Variants in CEP112 observed in about 807,000 individuals in gnomAD.
The protein encoded by CEP112 is centrosomal protein 112.
In CEP112, 127 loss-of-function variants were observed where a neutral mutation model predicts 153.0. The ratio of observed to expected loss-of-function variants is 0.83; its 90% CI spans 0.72 to 0.96. The LOEUF is 0.96. Among genes scored for constraint, CEP112 ranks in the 40% least tolerant of loss-of-function variants. The pLI, the probability that CEP112 is intolerant of heterozygous loss-of-function variation, is 0.00. For synonymous variants in CEP112, 358 were observed against 374.4 expected (o/e 0.96, Z 0.51); for missense variants, 1,089 against 1,101.2 (o/e 0.99, Z 0.16).
intron 21 of CEP112, among the ~76,000 whole-genome samples, chr17:65,818,273 C>A (rs764959162): frequency 2.0e-5 from 3 of 151,826 alleles, no homozygotes; most frequent in Non-Finnish European, 4.4e-5. Context: ...CAGCCCTTTA[C>A]CTAACTACCA....
intron 12 of CEP112, among the ~76,000 whole-genome samples, chr17:66,040,634 C>T (rs2065933682): frequency 6.6e-6 from 1 of 151,618 alleles, no homozygotes; most frequent in Non-Finnish European, 1.5e-5. Context: ...TAGCTGGCAG[C>T]ATGTGCCAAC....
At chr17:65,801,873 C>A (rs576977228) in intron 21 of CEP112, among the ~76,000 whole-genome samples, 2 of 152,136 alleles carry the variant, frequency 1.3e-5, no homozygotes, top group African/African-American at 4.8e-5. Flanking sequence ...CCCCTGCCCA[C>A]GGGAAATAAA....
At chr17:65,745,498 G>C (rs1180438057) in intron 22 of CEP112, among the ~76,000 whole-genome samples, 1 of 152,210 alleles carries the variant, frequency 6.6e-6, no homozygotes, top group Non-Finnish European at 1.5e-5. Context: ...GGATAAAAAA[G>C]AGTCAGATTT....
At chr17:65,883,302 C>T (rs1368116406) in intron 20 of CEP112, among the ~76,000 whole-genome samples, 3 of 151,100 alleles carry the variant, frequency 2.0e-5, no homozygotes, top group Non-Finnish European at 4.4e-5. Flanking sequence ...TATATATACA[C>T]ACACACACTT....
chr17:66,005,614 A>G, intron 17 of CEP112, 76 bp downstream of exon 17: 1 of 1,509,118 alleles, frequency 6.6e-7, no homozygotes, highest in East Asian at 2.4e-5. Context: ...TATAGTGTTT[A>G]GGTCCCAGTT....
intron 21 of CEP112, among the ~76,000 whole-genome samples, chr17:65,795,681 G>A (rs1220807364): frequency 6.6e-6 from 1 of 151,946 alleles, no homozygotes; most frequent in African/African-American, 2.4e-5. Flanking sequence ...GCATGGTGGT[G>A]CGCACCTGTA....
chr17:66,081,920 G>GAA (rs1426946917), intron 8 of CEP112, among the ~76,000 whole-genome samples: 23 of 151,678 alleles, frequency 1.5e-4, no homozygotes, highest in Admixed American at 1.4e-3. Flanking sequence ...ATCTCAGGGG[G>GAA]AAAAAAAGGC....
intron 12 of CEP112, among the ~76,000 whole-genome samples, chr17:66,043,994 G>C (rs892074266): frequency 1.3e-5 from 2 of 152,038 alleles, no homozygotes; most frequent in African/African-American, 2.4e-5. Context: ...TACTTTTGAC[G>C]ATTCTTAAAT....
intron 24 of CEP112, among the ~76,000 whole-genome samples, chr17:65,660,235 CCT>C (rs1491517250): frequency 3.4e-5 from 3 of 86,970 alleles, no homozygotes; most frequent in Non-Finnish European, 6.6e-5. Context: ...CTCCTTCCTT[CCT>C]CTTTTTTGTT....
intron 4 of CEP112, among the ~76,000 whole-genome samples, chr17:66,146,017 T>C (rs2070903581): frequency 6.6e-6 from 1 of 152,068 alleles, no homozygotes; most frequent in Admixed American, 6.5e-5. Context: ...TAGATCTGAT[T>C]TGATAATTAA....
At chr17:65,694,783 C>T (rs1190387354) in intron 23 of CEP112, among the ~76,000 whole-genome samples, 5 of 152,250 alleles carry the variant, frequency 3.3e-5, no homozygotes, top group African/African-American at 9.6e-5. Context: ...AGTACAACCG[C>T]GGACTTTAAG....
chr17:65,951,907 C>A (rs535007480), intron 18 of CEP112, among the ~76,000 whole-genome samples: 114 of 152,060 alleles, frequency 7.5e-4, no homozygotes, highest in Non-Finnish European at 1.3e-3. Context: ...TTCCATAAAT[C>A]TTGATATGCC....
intron 20 of CEP112, among the ~76,000 whole-genome samples, chr17:65,870,301 C>A (rs1339457336): frequency 6.6e-6 from 1 of 151,996 alleles, no homozygotes; most frequent in Non-Finnish European, 1.5e-5. Context: ...CTAGCCACAT[C>A]ATCTAATTAA....
chr17:65,988,094 T>C (rs2063469909), intron 17 of CEP112, among the ~76,000 whole-genome samples: 1 of 152,142 alleles, frequency 6.6e-6, no homozygotes, highest in Admixed American at 6.5e-5. Context: ...CACAAACTCC[T>C]AACCCGCCTT....
chr17:65,971,343 T>C (rs553614931), intron 17 of CEP112, among the ~76,000 whole-genome samples: 13 of 152,242 alleles, frequency 8.5e-5, no homozygotes, highest in Admixed American at 7.2e-4. Context: ...TACATGTATA[T>C]GTATTTCAGG....
At chr17:66,037,974 C>T (rs1477068625) in intron 12 of CEP112, among the ~76,000 whole-genome samples, 1 of 151,616 alleles carries the variant, frequency 6.6e-6, no homozygotes, top group East Asian at 1.9e-4. Flanking sequence ...CTGGTACTGT[C>T]TGTGAAGGCT....
Position 65,970,469 on chromosome 17 carries a change from C to T in CEP112, c.1737-8871G>A, listed in dbSNP as rs1020709466. Among the ~76,000 whole-genome samples the T allele has an allele frequency of 3.8e-4, 21 of 55,654 alleles. 3 individuals carry two copies. The highest frequency in any genetic ancestry group is 9.5e-4 in the African/African-American group (20 of 20,994). 36.5% of individuals were successfully genotyped at this position (55,654 alleles called of 152,430 possible). A position where few individuals can be genotyped will look rare whatever the true frequency, so the allele number is the denominator to read the frequency against. On this transcript the variant is annotated intron_variant, in intron 17 of 26. Coordinates refer to ENST00000535342, the MANE Select transcript of CEP112 (RefSeq NM_001199165.4). ...TGTATATTACATGCATGCACACATG[C>T]ATGTATATTACATGCATGCACACTA...
At chr17:66,071,754 A>C (rs1054370623) in intron 8 of CEP112, among the ~76,000 whole-genome samples, 13 of 152,324 alleles carry the variant, frequency 8.5e-5, no homozygotes, top group African/African-American at 3.1e-4. Context: ...TGCAGCAACC[A>C]AGAGAAAGCA....
chr17:65,821,498 ATATATATATATATAAT>A (rs1353980566), intron 21 of CEP112, among the ~76,000 whole-genome samples: 7 of 120,124 alleles, frequency 5.8e-5, no homozygotes, highest in African/African-American at 1.6e-4. Context: ...ATATATAATT[ATATATATATATATAAT>A]TATATATATA....
Sources: allele counts gnomAD v4.1 joint callset (sites outside exome capture counted in the v4.1 genomes callset), GRCh38; gene constraint gnomAD v4.1.1; transcripts MANE v1.5; gene names NCBI Gene and HGNC (gene_info 2026-07-23, HGNC 2026-07-21).